The following ME3 variants were observed in gnomAD, a reference collection of about 807,000 sequenced individuals.
ME3 encodes NADP-dependent malic enzyme, mitochondrial.
Under a neutral mutation model 68.9 loss-of-function variants are expected in ME3, and 48 were observed. The observed-to-expected ratio is 0.70, with a 90% confidence interval of 0.55 to 0.89. The LOEUF (loss-of-function observed/expected upper bound fraction) is 0.89, where lower values mean the gene tolerates loss of function less well. ME3 is among the 40% of genes least tolerant of loss of function. The pLI is 0.00. For missense variants in ME3, 675 were observed against 797.4 expected (o/e 0.85, Z 1.85); for synonymous variants, 320 against 318.8 (o/e 1.00, Z -0.04).
intron 2 of ME3, among the ~76,000 whole-genome samples, chr11:86,635,686 T>A (rs1944291006): frequency 6.6e-6 from 1 of 152,232 alleles, no homozygotes; most frequent in Non-Finnish European, 1.5e-5. Context: ...TGTTGCCAGA[T>A]TCCAGAACCA....
intron 2 of ME3, among the ~76,000 whole-genome samples, chr11:86,647,581 C>T (rs1283264010): frequency 2.0e-5 from 3 of 146,824 alleles, no homozygotes; most frequent in South Asian, 2.2e-4. Context: ...AAATGGAAAA[C>T]AAAAAAAAAG....
At chr11:86,500,306 A>C (rs2139034551) in intron 5 of ME3, among the ~76,000 whole-genome samples, 1 of 152,290 alleles carries the variant, frequency 6.6e-6, no homozygotes, top group African/African-American at 2.4e-5. Context: ...TTATCCCCAC[A>C]ACCCTAGGAT....
chr11:86,665,729 G>C (rs1036421012), intron 2 of ME3, among the ~76,000 whole-genome samples: 2 of 152,202 alleles, frequency 1.3e-5, no homozygotes, highest in Non-Finnish European at 2.9e-5. Context: ...AGAGATGCTG[G>C]AGGCTTCAAT....
chr11:86,658,087 A>T (rs190850671), intron 2 of ME3, among the ~76,000 whole-genome samples: 3 of 152,120 alleles, frequency 2.0e-5, no homozygotes, highest in Non-Finnish European at 4.4e-5. Context: ...GAGGCCATGA[A>T]AACAGGAGAT....
At chr11:86,443,028 A>T in intron 13 of ME3, 109 bp from the exon 14 acceptor site, 1 of 757,632 alleles carries the variant, frequency 1.3e-6, no homozygotes, top group Non-Finnish European at 2.2e-6. Context: ...TTGGTCAAAC[A>T]CTGCAGTTCC....
At chr11:86,556,460 C>A in intron 4 of ME3, 93 bp downstream of exon 4, 2 of 1,428,362 alleles carry the variant, frequency 1.4e-6, no homozygotes, top group Admixed American at 2.3e-5. Context: ...TCAGAGTTAG[C>A]CTCCAGAGTC....
At chr11:86,472,697 C>CA (rs1565825070) in intron 7 of ME3, among the ~76,000 whole-genome samples, 1 of 152,070 alleles carries the variant, frequency 6.6e-6, no homozygotes, top group East Asian at 1.9e-4. Flanking sequence ...ACCTCTCTTG[C>CA]AGTCCTGTTG....
chr11:86,463,810 G>A (rs1028894589), intron 8 of ME3, among the ~76,000 whole-genome samples: 5 of 152,218 alleles, frequency 3.3e-5, no homozygotes, highest in African/African-American at 1.2e-4. Flanking sequence ...TGTAATATAA[G>A]ATCTGGGAAT....
At chr11:86,491,826 T>G (rs1380343674) in intron 6 of ME3, among the ~76,000 whole-genome samples, 2 of 150,350 alleles carry the variant, frequency 1.3e-5, no homozygotes, top group African/African-American at 4.8e-5. Flanking sequence ...TGTTTAGAAT[T>G]AAGTGTGACC....
chr11:86,525,307 A>G (rs1268064356), intron 4 of ME3, among the ~76,000 whole-genome samples: 5 of 152,220 alleles, frequency 3.3e-5, no homozygotes, highest in African/African-American at 4.8e-5. Context: ...AATTCTTTGA[A>G]GAAAAGTTTC....
chr11:86,556,528 G>C, intron 4 of ME3, 25 bp downstream of exon 4: 1 of 1,606,774 alleles, frequency 6.2e-7, no homozygotes, highest in South Asian at 1.1e-5. Context: ...GCCCCTCCCA[G>C]AGCCCTCACT....
At chr11:86,485,081 C>G (rs902212911) in intron 7 of ME3, among the ~76,000 whole-genome samples, 7 of 152,204 alleles carry the variant, frequency 4.6e-5, no homozygotes, top group African/African-American at 1.4e-4. Flanking sequence ...TTCCCACAGA[C>G]AGTCCAGTGC....
intron 2 of ME3, among the ~76,000 whole-genome samples, chr11:86,633,201 A>T (rs2135336097): frequency 6.6e-6 from 1 of 152,300 alleles, no homozygotes; most frequent in Admixed American, 6.5e-5. Flanking sequence ...CAGCTCATTG[A>T]CCCACAAGAG....
At chr11:86,617,051 T>TTTTTTG (rs1300186818) in intron 2 of ME3, among the ~76,000 whole-genome samples, 2 of 56,972 alleles carry the variant, frequency 3.5e-5, no homozygotes, top group Non-Finnish European at 7.4e-5. Context: ...AGTAGTTTTT[T>TTTTTTG]TTTTTTTTTT....
At chr11:86,615,157 C>T (rs1942869148) in intron 2 of ME3, among the ~76,000 whole-genome samples, 1 of 152,094 alleles carries the variant, frequency 6.6e-6, no homozygotes, top group African/African-American at 2.4e-5. Flanking sequence ...CGGTACAAAT[C>T]TTAGTGAGCT....
At chr11:86,624,855 G>C (rs116471571) in intron 2 of ME3, among the ~76,000 whole-genome samples, 346 of 152,270 alleles carry the variant, frequency 2.3e-3, no homozygotes, top group African/African-American at 8.1e-3. Flanking sequence ...TCAGGACATT[G>C]ACTTTACTTG....
rs776519586 is a variant in ME3, at chr11:86,460,676, C to T, written c.919+4415G>A. Among the ~76,000 whole-genome samples, 10 of 152,224 alleles carry T rather than the reference C, an allele frequency of 6.6e-5. No individual in the cohort carries two copies. The East Asian group carries it at 7.7e-4, about 12-fold the overall frequency. On this transcript the variant is annotated intron_variant, in intron 8 of 14. Coordinates refer to ENST00000543262, the Ensembl canonical transcript of ME3. ...TCTGTTTACAACTATGATTCTGCATCGCTTCCTCCTCCTTCCCACACTCCC... is the reference window on the plus strand; with the variant it reads ...TCTGTTTACAACTATGATTCTGCATTGCTTCCTCCTCCTTCCCACACTCCC...
Position 86,610,191 on chromosome 11 carries a change from G to A in ME3, c.184-50368C>T, listed in dbSNP as rs560174969. ...TTATGACAGTGATTACATTAGGGGT[G>A]ATGAAAGGAACATGACCAGAGAGAT... is the stretch of plus-strand genomic sequence containing the variant. On this transcript the variant is annotated intron_variant, in intron 2 of 14. Transcript: ENST00000543262. Among the ~76,000 whole-genome samples the A allele has an allele frequency of 3.3e-5, 5 of 152,304 alleles. No individual in the cohort carries two copies. The South Asian group carries it at 6.2e-4, about 19-fold the overall frequency.
chr11:86,502,005 A>G (rs1020036498), intron 5 of ME3, among the ~76,000 whole-genome samples: 1 of 152,190 alleles, frequency 6.6e-6, no homozygotes, highest in African/African-American at 2.4e-5. Context: ...TGATGTCTGT[A>G]AAATAAAACC....
Sources: gnomAD v4.1 joint callset for allele counts (sites outside exome capture counted in the v4.1 genomes callset) on GRCh38, gnomAD v4.1.1 for gene constraint, MANE v1.5 for transcripts, NCBI Gene and HGNC (gene_info 2026-07-23, HGNC 2026-07-21) for gene names.